The following CAB39L variants were observed in gnomAD, a reference collection of about 807,000 sequenced individuals.
CAB39L encodes the protein calcium binding protein 39 like.
Under a neutral mutation model 39.1 loss-of-function variants are expected in CAB39L, and 23 were observed. The ratio of observed to expected loss-of-function variants is 0.59; its 90% CI spans 0.42 to 0.83. The LOEUF (loss-of-function observed/expected upper bound fraction) is 0.83, where lower values mean the gene tolerates loss of function less well. CAB39L is among the 40% of genes least tolerant of loss of function. CAB39L has a pLI of 0.00. For missense variants in CAB39L, 366 were observed against 391.9 expected, an observed-to-expected ratio of 0.93 and a Z score of 0.56; for synonymous variants, 126 against 137.2, an observed-to-expected ratio of 0.92 and a Z score of 0.57.
At chr13:49,361,477 C>CAAAAGAA (rs1555256941) in intron 5 of CAB39L, among the ~76,000 whole-genome samples, 1 of 54,440 alleles carries the variant, frequency 1.8e-5, no homozygotes, top group Non-Finnish European at 3.0e-5. Flanking sequence ...GACTTCATCT[C>CAAAAGAA]AAAAAAAAAA....
intron 5 of CAB39L, among the ~76,000 whole-genome samples, chr13:49,370,394 G>T (rs6561522): frequency 0.48 from 72,895 of 151,856 alleles, 18,108 homozygotes; most frequent in Middle Eastern, 0.55. Flanking sequence ...GTTTCTTTAG[G>T]CCACATAGTG....
At chr13:49,392,882 A>C (rs1196136637) in intron 3 of CAB39L, 1 of 152,190 alleles carries the variant, frequency 6.6e-6, no homozygotes, top group Non-Finnish European at 1.5e-5. Flanking sequence ...TGAATATAAT[A>C]AATTATATCA....
chr13:49,436,173 G>C (rs1030237724), intron 1 of CAB39L, among the ~76,000 whole-genome samples: 2 of 152,106 alleles, frequency 1.3e-5, no homozygotes, highest in Admixed American at 1.3e-4. Flanking sequence ...TCTCCTTTCT[G>C]TCTGGAAGCC....
At chr13:49,416,086 C>T (rs1322790) in intron 3 of CAB39L, among the ~76,000 whole-genome samples, 82,253 of 152,010 alleles carry the variant, frequency 0.54, 22,382 homozygotes, top group South Asian at 0.64. Context: ...ACTTTCCTAA[C>T]AAGCAAAGAG....
At chr13:49,397,095 C>T (rs1956655590) in intron 3 of CAB39L, among the ~76,000 whole-genome samples, 1 of 151,988 alleles carries the variant, frequency 6.6e-6, no homozygotes, top group South Asian at 2.1e-4. Flanking sequence ...CATTATGAAC[C>T]ATATTATATA....
At chr13:49,386,925 C>T (rs992690837) in intron 3 of CAB39L, among the ~76,000 whole-genome samples, 2 of 152,104 alleles carry the variant, frequency 1.3e-5, no homozygotes, top group African/African-American at 4.8e-5. Context: ...ACACTCTGGG[C>T]GACCATGCTG....
At chr13:49,321,218 C>A (rs1954329384) in intron 10 of CAB39L, among the ~76,000 whole-genome samples, 1 of 152,146 alleles carries the variant, frequency 6.6e-6, no homozygotes, top group Admixed American at 6.5e-5. Context: ...GCATTTTTTT[C>A]TTGTGCACGT....
At chr13:49,329,642 T>C (rs1413882071) in intron 10 of CAB39L, among the ~76,000 whole-genome samples, 1 of 146,704 alleles carries the variant, frequency 6.8e-6, no homozygotes, top group Non-Finnish European at 1.5e-5. Flanking sequence ...ACTAAAAATG[T>C]CTTACTTTTC....
Position 49,344,179 on chromosome 13 carries a change from A to G in CAB39L, c.624T>C (p.Thr208=). The G allele has an allele frequency of 1.3e-6, 2 of 1,560,568 alleles. No individual in the cohort carries two copies. Among genetic ancestry groups the G allele is most frequent in the Non-Finnish European group, 1.8e-6 (2 of 1,131,760 alleles). ...GTCTTTAAAAATGATTTCTACTTACAGTGTCGTAATTTTGTTCTAAGAAGT... is the reference window on the plus strand; with the variant it reads ...GTCTTTAAAAATGATTTCTACTTACGGTGTCGTAATTTTGTTCTAAGAAGT... ...VADFLEQNYD[T]IFEDYEKLLQ... Residue 208 remains threonine (T), a splice_region_variant and synonymous_variant, in exon 8 of 11, where the codon ACT becomes ACC. Transcript: ENST00000409308.
chr13:49,434,007 A>G (rs2138739211), intron 2 of CAB39L, 79 bp downstream of exon 2: 2 of 340,816 alleles, frequency 5.9e-6, no homozygotes, highest in South Asian at 4.6e-5. Context: ...ACCAGCGACA[A>G]TTTCTGTAAA....
intron 9 of CAB39L, among the ~76,000 whole-genome samples, chr13:49,334,289 T>G (rs893139487): frequency 6.6e-6 from 1 of 152,186 alleles, no homozygotes; most frequent in Admixed American, 6.5e-5. Context: ...CCACTTAGAT[T>G]AGAAAGTGAA....
chr13:49,372,684 G>C (rs1051576119), intron 5 of CAB39L, among the ~76,000 whole-genome samples: 1 of 151,960 alleles, frequency 6.6e-6, no homozygotes, highest in Non-Finnish European at 1.5e-5. Flanking sequence ...TTTTTGTTTT[G>C]TTTGGAGATG....
At position 49,399,342 on chromosome 13, in the gene CAB39L, A is replaced by C. The variant is rs182880649; in HGVS notation, c.-31-16401T>G. Among the ~76,000 whole-genome samples, 3 of 152,188 alleles carry C rather than the reference A, an allele frequency of 2.0e-5. No individual in the cohort carries two copies. The East Asian group carries it at 5.8e-4, about 29-fold the overall frequency. On this transcript the variant is annotated intron_variant, in intron 3 of 10. Transcript: ENST00000409308. Reference sequence around the variant, plus strand: ...ATCAACCTTGAAAGCTCATGAAAGCACCCAGAAAACCCATAAGCATCCTTC... The same window carrying C: ...ATCAACCTTGAAAGCTCATGAAAGCCCCCAGAAAACCCATAAGCATCCTTC...
At chr13:49,329,540 AAAAAATATATAT>A (rs1448111025) in intron 10 of CAB39L, among the ~76,000 whole-genome samples, 23 of 37,578 alleles carry the variant, frequency 6.1e-4, no homozygotes, top group South Asian at 1.2e-3. Flanking sequence ...CAATTAAAAA[AAAAAATATATAT>A]ATATATATAT....
rs1320205526 is a variant in CAB39L, at chr13:49,434,197, C to G, written c.-219G>C. On this transcript the variant is annotated 5_prime_UTR_variant, in exon 2 of 11. Coordinates refer to ENST00000409308, the MANE Select transcript of CAB39L (RefSeq NM_001079670.3). ...CTTAGAACACTTTGCTCCTGATATT[C>G]TTTCTTCTCAATATTTGATGGATAT... is the stretch of plus-strand genomic sequence containing the variant. 1 of 455,062 alleles carries G rather than the reference C, an allele frequency of 2.2e-6. No homozygotes were observed. The highest frequency in any genetic ancestry group is 4.4e-6 in the Non-Finnish European group (1 of 226,618). 28.2% of individuals were successfully genotyped at this position (455,062 alleles called of 1,614,324 possible). A position where few individuals can be genotyped will look rare whatever the true frequency, so the allele number is the denominator to read the frequency against.
intron 8 of CAB39L, among the ~76,000 whole-genome samples, chr13:49,342,607 C>T (rs1955037369): frequency 2.0e-5 from 3 of 152,158 alleles, no homozygotes; most frequent in African/African-American, 7.2e-5. Context: ...GTAACATTAA[C>T]TAACACATGT....
intron 6 of CAB39L, among the ~76,000 whole-genome samples, chr13:49,354,810 A>C (rs1362040026): frequency 6.6e-6 from 1 of 152,230 alleles, no homozygotes; most frequent in Non-Finnish European, 1.5e-5. Flanking sequence ...ATGAAAGCCA[A>C]AATGTAAGAG....
At chr13:49,342,194 G>A (rs1955026129) in intron 8 of CAB39L, among the ~76,000 whole-genome samples, 1 of 152,046 alleles carries the variant, frequency 6.6e-6, no homozygotes, top group South Asian at 2.1e-4. Context: ...GACTCCTTGA[G>A]GACTATTATT....
intron 3 of CAB39L, chr13:49,420,364 C>A (rs573811711): frequency 6.6e-6 from 1 of 152,328 alleles, no homozygotes; most frequent in South Asian, 2.1e-4. Context: ...AAATCTACTC[C>A]TCTGCTGGGT....
Sources: allele counts gnomAD v4.1 joint callset (sites outside exome capture counted in the v4.1 genomes callset), GRCh38; gene constraint gnomAD v4.1.1; transcripts MANE v1.5; gene names NCBI Gene and HGNC (gene_info 2026-07-23, HGNC 2026-07-21).